Variants in DROSHA observed in about 807,000 individuals in gnomAD.
The protein encoded by DROSHA is ribonuclease 3.
A neutral mutation model predicts 181.9 loss-of-function variants in DROSHA; 56 were observed. That is an observed-to-expected ratio of 0.31 (90% CI 0.25 to 0.38). DROSHA has a LOEUF of 0.38. Among genes scored for constraint, DROSHA ranks in the 10% least tolerant of loss-of-function variants. The pLI is 1.00. For synonymous variants in DROSHA, 524 were observed against 591.2 expected (o/e 0.89, Z 1.65); for missense variants, 1,218 against 1,743.5 (o/e 0.70, Z 5.37).
chr5:31,492,135 C>T (rs977462823), intron 13 of DROSHA, among the ~76,000 whole-genome samples: 6 of 151,964 alleles, frequency 3.9e-5, no homozygotes, highest in South Asian at 2.1e-4. Context: ...ATGGTCCCCC[C>T]GAAGAAAAAT....
intron 9 of DROSHA, among the ~76,000 whole-genome samples, chr5:31,510,063 A>AAAAAAAAAAAAAAG (rs1554045123): frequency 1.4e-5 from 2 of 139,866 alleles, no homozygotes; most frequent in Non-Finnish European, 3.2e-5. Flanking sequence ...AAAAAAAAAA[A>AAAAAAAAAAAAAAG]AACAGACCTA....
In DROSHA at chr5:31,515,455, G is replaced by T; in HGVS notation, c.1057C>A (p.His353Asn). 7.7e-7 allele frequency: 1 copy of T among 1,298,044 alleles called. No homozygotes were observed. Among genetic ancestry groups the T allele is most frequent in the Non-Finnish European group, 1.1e-6 (1 of 915,352 alleles). The allele number at this position is 1,298,044 out of a possible 1,614,324, so 80.4% of individuals were successfully genotyped here. Reference sequence around the variant, plus strand: ...AGGCCCCACCCCAGATCTACTTACTGATTCACAATCTCCAGGGGTGGGGCC... The same window carrying T: ...AGGCCCCACCCCAGATCTACTTACTTATTCACAATCTCCAGGGGTGGGGCC... ...SWAPPLEIVNHRSPSREKKRA... is the reference protein window; with the variant it reads ...SWAPPLEIVNNRSPSREKKRA... Residue 353 changes from histidine to asparagine, a missense_variant and splice_region_variant, in exon 7 of 36, where the codon CAT (histidine) becomes AAT (asparagine). His to Asn is a moderately conservative substitution (Grantham distance 68, BLOSUM62 1). Coordinates refer to ENST00000344624, the MANE Select transcript of DROSHA (RefSeq NM_001382508.1).
At chr5:31,516,219 C>A (rs1284685175) in intron 6 of DROSHA, among the ~76,000 whole-genome samples, 2 of 152,190 alleles carry the variant, frequency 1.3e-5, no homozygotes, top group African/African-American at 4.8e-5. Context: ...TTGCACCACG[C>A]ACTCCAGCCT....
chr5:31,469,990 T>C (rs1749549200), intron 17 of DROSHA, among the ~76,000 whole-genome samples: 1 of 152,232 alleles, frequency 6.6e-6, no homozygotes, highest in Admixed American at 6.5e-5. Flanking sequence ...AAATGTAGTG[T>C]GGTGTCTACC....
intron 27 of DROSHA, among the ~76,000 whole-genome samples, chr5:31,424,791 T>C (rs1205223786): frequency 6.6e-6 from 1 of 152,214 alleles, no homozygotes; most frequent in Non-Finnish European, 1.5e-5. Context: ...AATCATATTT[T>C]TTTCTTACCA....
intron 6 of DROSHA, among the ~76,000 whole-genome samples, chr5:31,518,234 TAA>T (rs1208747635): frequency 6.6e-6 from 1 of 152,170 alleles, no homozygotes; most frequent in Non-Finnish European, 1.5e-5. Flanking sequence ...AAAGGTCCAG[TAA>T]AAAAATAAGG....
At chr5:31,531,696 C>T (rs1741413596) in intron 1 of DROSHA, among the ~76,000 whole-genome samples, 171 bp from the exon 2 acceptor site, 1 of 152,362 alleles carries the variant, frequency 6.6e-6, no homozygotes, top group African/African-American at 2.4e-5. Flanking sequence ...AGACGGTACG[C>T]CCCACGAGGC....
At chr5:31,481,846 G>C (rs1751066720) in intron 16 of DROSHA, among the ~76,000 whole-genome samples, 4 of 152,340 alleles carry the variant, frequency 2.6e-5, no homozygotes, top group Non-Finnish European at 4.4e-5. Flanking sequence ...CCAGGCACCA[G>C]AGCAGGGAAG....
rs1739831208 is a variant in DROSHA, at chr5:31,521,032, A to T, written c.947+91T>A. On this transcript the variant is annotated intron_variant, in intron 6 of 35. Transcript: ENST00000344624. ...ATCTTGGACAGACTCTGAGGCCATT[A>T]TGAAGACTTGGCTGTTGCTCCATAC... The T allele has an allele frequency of 2.3e-6, 3 of 1,280,092 alleles. No individual in the cohort carries two copies. In the African/African-American group the frequency reaches 4.4e-5, roughly 19 times the overall value. The allele number at this position is 1,280,092 out of a possible 1,614,324, so 79.3% of individuals were successfully genotyped here. A position where few individuals can be genotyped will look rare whatever the true frequency, so the allele number is the denominator to read the frequency against.
intron 29 of DROSHA, 117 bp downstream of exon 29, chr5:31,422,670 G>A: frequency 7.6e-7 from 1 of 1,319,634 alleles, no homozygotes; most frequent in East Asian, 2.4e-5. Context: ...ATCTCACAAT[G>A]TGACTTTCCT....
At chr5:31,463,691 A>C (rs1378996525) in intron 20 of DROSHA, among the ~76,000 whole-genome samples, 1 of 152,224 alleles carries the variant, frequency 6.6e-6, no homozygotes, top group Non-Finnish European at 1.5e-5. Context: ...TTAGTCAGTC[A>C]GTTACATATA....
At chr5:31,441,799 A>G (rs910432599) in intron 23 of DROSHA, among the ~76,000 whole-genome samples, 3 of 152,210 alleles carry the variant, frequency 2.0e-5, no homozygotes, top group Non-Finnish European at 4.4e-5. Context: ...CTTTTTCATG[A>G]GCCAGTAAAA....
At chr5:31,458,565 TAAAG>T (rs1443648887) in intron 20 of DROSHA, among the ~76,000 whole-genome samples, 1 of 152,126 alleles carries the variant, frequency 6.6e-6, no homozygotes, top group Non-Finnish European at 1.5e-5. Context: ...CACGTACAAA[TAAAG>T]AGAGTCCTCA....
At chr5:31,467,326 T>C (rs1170945924) in intron 18 of DROSHA, 2 of 150,214 alleles carry the variant, frequency 1.3e-5, no homozygotes, top group Admixed American at 6.6e-5. Context: ...AAGCTGTTTG[T>C]GTGTTTAGCA....
intron 20 of DROSHA, among the ~76,000 whole-genome samples, chr5:31,461,839 A>T (rs909658445): frequency 6.6e-6 from 1 of 151,330 alleles, no homozygotes; most frequent in Non-Finnish European, 1.5e-5. Context: ...AAATTTCCAT[A>T]TGTTGATGTT....
intron 12 of DROSHA, 142 bp from the exon 13 acceptor site, chr5:31,493,435 T>A (rs756120500): frequency 3.2e-4 from 205 of 646,456 alleles, no homozygotes; most frequent in Non-Finnish European, 4.4e-4. Context: ...CAAAGTTTAA[T>A]TTTACATGAA....
intron 16 of DROSHA, among the ~76,000 whole-genome samples, chr5:31,483,048 A>C (rs1279200363): frequency 6.6e-6 from 1 of 152,188 alleles, no homozygotes; most frequent in East Asian, 1.9e-4. Context: ...TTGCTTTAAA[A>C]AACTGTCATA....
Position 31,451,521 on chromosome 5 carries a change from A to G in DROSHA, c.2682+12T>C. ...TTGTTATTATGTGAGTTTACAGGAGAATAATTCTTACCTGCAACAGACAAC... is the reference window on the plus strand; with the variant it reads ...TTGTTATTATGTGAGTTTACAGGAGGATAATTCTTACCTGCAACAGACAAC... On this transcript the variant is annotated intron_variant, in intron 21 of 35. Transcript: ENST00000344624. 3 of 1,597,940 alleles carry G rather than the reference A, an allele frequency of 1.9e-6. No individual in the cohort carries two copies. Among genetic ancestry groups the G allele is most frequent in the Non-Finnish European group, 2.6e-6 (3 of 1,169,168 alleles).
intron 12 of DROSHA, among the ~76,000 whole-genome samples, chr5:31,494,610 A>C (rs1752749563): frequency 6.6e-6 from 1 of 152,086 alleles, no homozygotes; most frequent in Non-Finnish European, 1.5e-5. Context: ...ACAAAGTGAG[A>C]TCTCACCTCT....
Sources: gnomAD v4.1 joint callset for allele counts (sites outside exome capture counted in the v4.1 genomes callset) on GRCh38, gnomAD v4.1.1 for gene constraint, MANE v1.5 for transcripts, NCBI Gene and HGNC (gene_info 2026-07-23, HGNC 2026-07-21) for gene names.